The following PFAS variants were observed in gnomAD, a reference collection of about 807,000 sequenced individuals.
The protein encoded by PFAS is FGAM synthase.
Under a neutral mutation model 140.6 loss-of-function variants are expected in PFAS, and 97 were observed. That is an observed-to-expected ratio of 0.69 (90% CI 0.59 to 0.82). PFAS has a LOEUF of 0.82. Among genes scored for constraint, PFAS ranks in the 40% least tolerant of loss-of-function variants. The pLI is 0.00. For synonymous variants in PFAS, 679 were observed against 718.8 expected, an observed-to-expected ratio of 0.94 and a Z score of 0.88; for missense variants, 1,656 against 1,780.2, an observed-to-expected ratio of 0.93 and a Z score of 1.26.
rs368979658 is a variant in PFAS at position 8,256,949 on chromosome 17, A to G, written c.1061A>G (p.Asn354Ser). 3 of 1,614,038 alleles carry G rather than the reference A, an allele frequency of 1.9e-6. No individual in the cohort carries two copies. The highest frequency in any genetic ancestry group is 1.6e-4 in the Middle Eastern group (1 of 6,084). Reference protein sequence around the residue: ...VAGTAGYCFGNLHIPGYNLPW... With the variant: ...VAGTAGYCFGSLHIPGYNLPW... Reference sequence around the variant, plus strand: ...GGCACTGCCGGCTATTGCTTTGGAAATCTGCATATTCCAGGTTCCATCTCC... The same window carrying G: ...GGCACTGCCGGCTATTGCTTTGGAAGTCTGCATATTCCAGGTTCCATCTCC... Residue 354 changes from asparagine (N) to serine (S), a missense_variant, in exon 9 of 28, where the codon AAT becomes AGT. Coordinates refer to ENST00000314666, the MANE Select transcript of PFAS (RefSeq NM_012393.3).
chr17:8,265,541 C>T lies in PFAS; in HGVS notation c.2462-15C>T. On this transcript the variant is annotated splice_polypyrimidine_tract_variant and intron_variant, in intron 19 of 27. Transcript: ENST00000314666. The stretch of plus-strand genomic sequence containing the variant: ...GTTGGCAACTCATTCCTTTGGACTC[C>T]TCCTTGCTCTACAGGGTCACTGGTC... 2 of 1,613,852 alleles carry T rather than the reference C, an allele frequency of 1.2e-6. No individual in the cohort carries two copies. The highest frequency in any genetic ancestry group is 1.7e-6 in the Non-Finnish European group (2 of 1,179,722).
chr17:8,263,788 C>T lies in PFAS; in HGVS notation c.1643C>T (p.Thr548Ile), dbSNP rs144399783. Residue 548 changes from threonine (T) to isoleucine (I), a missense_variant, in exon 15 of 28, where the codon ACC becomes ATC. By Grantham distance (89) the Thr-to-Ile change is moderately conservative. Around this residue, in one of 2 missense-constraint regions of PFAS, gnomAD observed 773 missense variants for 757.3 expected, o/e 1.02. Transcript: ENST00000314666. Reference sequence around the variant, plus strand: ...GTGGCTGTGCAGCTTGGGGACCCAACCCTGAATGCCCTGGAAATCTGGGGG... The same window carrying T: ...GTGGCTGTGCAGCTTGGGGACCCAATCCTGAATGCCCTGGAAATCTGGGGG... ...YTSRFQLGDP[T>I]LNALEIWGAE... 255 of 1,613,940 alleles carry T rather than the reference C, an allele frequency of 1.6e-4. No individual in the cohort carries two copies. The highest frequency in any genetic ancestry group is 5.3e-4 in the Admixed American group (32 of 60,008).
Position 8,267,663 on chromosome 17 carries a change from A to G in PFAS, c.3380A>G (p.Lys1127Arg). 2 of 1,558,618 alleles carry G rather than the reference A, an allele frequency of 1.3e-6. No individual in the cohort carries two copies. The highest frequency in any genetic ancestry group is 1.7e-5 in the Admixed American group (1 of 59,730). The change falls in exon 26 of 28, where the codon AAA (lysine) becomes AGA (arginine). Residue 1127 changes from lysine (K) to arginine (R), a missense_variant and splice_region_variant. Lys to Arg is a conservative substitution (Grantham distance 26). Around this residue, in one of 2 missense-constraint regions of PFAS, gnomAD observed 883 missense variants for 1,023.0 expected, o/e 0.86. Transcript: ENST00000314666. This position sits in a 1 kb window ranked among gnomAD's most constrained non-coding sequence, Gnocchi z 4.9. ...FSYADVLGSA[K>R]GWAAAVTFHP... ...TATGCAGATGTCCTGGGCTCTGCCA[A>G]AGGTCAGTGTGCAGGCTTCTGCCCA...
Position 8,263,094 on chromosome 17 carries a change from C to A in PFAS, c.1411-15C>A. The A allele has an allele frequency of 6.2e-7, 1 of 1,613,670 alleles. No individual in the cohort carries two copies. The highest frequency in any genetic ancestry group is 8.5e-7 in the Non-Finnish European group (1 of 1,179,588). On this transcript the variant is annotated splice_polypyrimidine_tract_variant and intron_variant, in intron 12 of 27. Coordinates refer to ENST00000314666, the MANE Select transcript of PFAS (RefSeq NM_012393.3). Reference sequence around the variant, plus strand: ...CCAGTCTCGCTGAGCTGAGCTATGCCATATATGCCCCCAGGTGCAGGGAGA... The same window carrying A: ...CCAGTCTCGCTGAGCTGAGCTATGCAATATATGCCCCCAGGTGCAGGGAGA...
intron 4 of PFAS, 80 bp downstream of exon 4, chr17:8,255,212 C>A: frequency 9.2e-7 from 1 of 1,091,062 alleles, no homozygotes; most frequent in Non-Finnish European, 1.4e-6. Flanking sequence ...GAAGCAGGGA[C>A]AGGTGCTCCT....
At chr17:8,268,444 A>C in intron 26 of PFAS, 89 bp from the exon 27 acceptor site, 1 of 854,092 alleles carries the variant, frequency 1.2e-6, no homozygotes, top group Admixed American at 2.6e-5. Context: ...AGAAAAAAGA[A>C]AAGAAACAGA....
At position 8,266,797 on chromosome 17, in the gene PFAS, G is replaced by A. The variant is rs141350115; in HGVS notation, c.2866G>A (p.Val956Met). The change falls in exon 23 of 28, where the codon GTG (valine) becomes ATG (methionine). Residue 956 changes from valine (V) to methionine (M), a missense_variant. Physicochemically the swap from Val to Met is conservative, Grantham distance 21 (BLOSUM62 1). Around this residue, in one of 2 missense-constraint regions of PFAS, gnomAD observed 883 missense variants for 1,023.0 expected, o/e 0.86. Coordinates refer to ENST00000314666, the MANE Select transcript of PFAS (RefSeq NM_012393.3). The surrounding 1 kb of genome is among the most constrained non-coding windows in gnomAD (Gnocchi z 5.0). The stretch of plus-strand genomic sequence containing the variant: ...TGAGGAGCCAGGCCTCGTGCTGGAG[G>A]TGCAGGAGCCAGACCTGGCCCAGGT... ...FAEEPGLVLE[V>M]QEPDLAQVLK... 6.2e-7 allele frequency: 1 copy of A among 1,612,488 alleles called. No homozygotes were observed. Among genetic ancestry groups the A allele is most frequent in the Non-Finnish European group, 8.5e-7 (1 of 1,179,786 alleles).
chr17:8,263,567 C>T lies in PFAS; in HGVS notation c.1568-8C>T. 2 of 1,613,428 alleles carry T rather than the reference C, an allele frequency of 1.2e-6. No individual in the cohort carries two copies. The highest frequency in any genetic ancestry group is 1.7e-6 in the Non-Finnish European group (2 of 1,179,356). On this transcript the variant is annotated splice_region_variant and splice_polypyrimidine_tract_variant and intron_variant, in intron 13 of 27. Coordinates refer to ENST00000314666, the MANE Select transcript of PFAS (RefSeq NM_012393.3). Reference sequence around the variant, plus strand: ...GGTCACTGCTTCTCCTTGCAACCCTCTCACCAGGCAATGTCCTAAAAGAGC... The same window carrying T: ...GGTCACTGCTTCTCCTTGCAACCCTTTCACCAGGCAATGTCCTAAAAGAGC...
Position 8,266,594 on chromosome 17 carries a change from C to T in PFAS, c.2822-159C>T. The T allele has an allele frequency of 6.8e-7, 1 of 1,470,500 alleles. No individual in the cohort carries two copies. 91.1% of individuals were successfully genotyped at this position (1,470,500 alleles called of 1,614,324 possible). On this transcript the variant is annotated intron_variant, in intron 22 of 27. Coordinates refer to ENST00000314666, the MANE Select transcript of PFAS (RefSeq NM_012393.3). The surrounding 1 kb of genome is among the most constrained non-coding windows in gnomAD (Gnocchi z 5.0). ...TGAGATGTCCATGATGAAACATCCT[C>T]AGTCCTGCCGTCCTAGCCCTCATCC...
In PFAS at chr17:8,263,860, G is replaced by T. The variant is rs200779134; in HGVS notation, c.1715G>T (p.Arg572Leu). Reference sequence around the variant, plus strand: ...GCTCTTCTGCTGAGGTCCCCCAACCGGGACTTCCTGACTCATGTCAGTGCC... The same window carrying T: ...GCTCTTCTGCTGAGGTCCCCCAACCTGGACTTCCTGACTCATGTCAGTGCC... Reference protein sequence around the residue: ...SNALLLRSPNRDFLTHVSARE... With the variant: ...SNALLLRSPNLDFLTHVSARE... The change falls in exon 15 of 28, where the codon CGG (arginine) becomes CTG (leucine). Residue 572 changes from arginine to leucine, a missense_variant. Physicochemically the swap from Arg to Leu is moderately radical, Grantham distance 102. Around this residue, in one of 2 missense-constraint regions of PFAS, gnomAD observed 773 missense variants for 757.3 expected, o/e 1.02. Coordinates refer to ENST00000314666, the MANE Select transcript of PFAS (RefSeq NM_012393.3). 3.1e-6 allele frequency: 5 copies of T among 1,614,086 alleles called. No homozygotes were observed. In the Admixed American group the frequency reaches 8.3e-5, roughly 27 times the overall value.
rs199846786 is a variant in PFAS at position 8,267,559 on chromosome 17, C to T, written c.3276C>T (p.Asp1092=). 5.6e-6 allele frequency: 9 copies of T among 1,608,864 alleles called. No individual in the cohort carries two copies. Among genetic ancestry groups the T allele is most frequent in the Admixed American group, 5.0e-5 (3 of 59,954 alleles). Residue 1092 remains aspartate (D), a synonymous_variant, in exon 26 of 28, where the codon GAC becomes GAT. Coordinates refer to ENST00000314666, the MANE Select transcript of PFAS (RefSeq NM_012393.3). This position sits in a 1 kb window ranked among gnomAD's most constrained non-coding sequence, Gnocchi z 4.9. ...AFHLAGFEVW[D]VTMQDLCSGA... The stretch of plus-strand genomic sequence containing the variant: ...CCTCCCCACCTTCGCAGGTATGGGA[C>T]GTGACCATGCAGGACCTCTGCTCTG...
chr17:8,266,733 T>G lies in PFAS; in HGVS notation c.2822-20T>G. The G allele has an allele frequency of 6.3e-7, 1 of 1,582,592 alleles. No homozygotes were observed. The highest frequency in any genetic ancestry group is 1.3e-5 in the African/African-American group (1 of 74,152). On this transcript the variant is annotated intron_variant, in intron 22 of 27. Coordinates refer to ENST00000314666, the MANE Select transcript of PFAS (RefSeq NM_012393.3). This position sits in a 1 kb window ranked among gnomAD's most constrained non-coding sequence, Gnocchi z 5.0. ...TTGGCCCTTCTTGCATCCCCCTGAC[T>G]CCCCACATTGCTCTCCCAGTCCTGT...
At chr17:8,257,483 G>T (rs1411949876) in intron 9 of PFAS, among the ~76,000 whole-genome samples, 2 of 152,176 alleles carry the variant, frequency 1.3e-5, no homozygotes, top group Non-Finnish European at 2.9e-5. Context: ...GTGAACCCGG[G>T]AGGCGGAGCT....
At chr17:8,253,695 A>G in intron 1 of PFAS, 164 bp from the exon 2 acceptor site, 2 of 329,220 alleles carry the variant, frequency 6.1e-6, no homozygotes, top group South Asian at 1.1e-4. Flanking sequence ...GCCCGCCACC[A>G]CACCCAGCTA....
At chr17:8,248,012 G>A (rs1034774367), upstream of PFAS, 13 of 1,609,918 alleles carry the variant, frequency 8.1e-6, 1 homozygote, top group South Asian at 4.4e-5. Flanking sequence ...ACGGAGGAAG[G>A]GACCTGGGCC....
At position 8,254,239 on chromosome 17, in the gene PFAS, T is replaced by C. The variant is rs1266835842; in HGVS notation, c.216T>C (p.Asp72=). ...TTGGTTGCCCCTTACTGCTGGATGA[T>C]GTTGCTCGGGAGTCCTGGCTCCTTC... is the stretch of plus-strand genomic sequence containing the variant. ...WLFGCPLLLD[D]VARESWLLPG... Residue 72 remains aspartate, a synonymous_variant, in exon 3 of 28, where the codon GAT becomes GAC. Transcript: ENST00000314666. 6.2e-7 allele frequency: 1 copy of C among 1,614,058 alleles called. No homozygotes were observed. Among genetic ancestry groups the C allele is most frequent in the African/African-American group, 1.3e-5 (1 of 74,924 alleles).
At position 8,266,457 on chromosome 17, in the gene PFAS, C is replaced by G. The variant is rs1597429695; in HGVS notation, c.2821+104C>G. 6.5e-7 allele frequency: 1 copy of G among 1,542,866 alleles called. No homozygotes were observed. Among genetic ancestry groups the G allele is most frequent in the Non-Finnish European group, 8.7e-7 (1 of 1,144,712 alleles). On this transcript the variant is annotated intron_variant, in intron 22 of 27. Coordinates refer to ENST00000314666, the MANE Select transcript of PFAS (RefSeq NM_012393.3). This position sits in a 1 kb window ranked among gnomAD's most constrained non-coding sequence, Gnocchi z 5.0. ...TGGAGTGCCCTCCAGTCCCCTTTCC[C>G]TGAGTCTTCCCTGACTAGCTTTTCT...
rs762303333 is a variant in PFAS, at chr17:8,264,895, G to A, written c.2050G>A (p.Val684Met). Residue 684 changes from valine to methionine, a missense_variant and splice_region_variant, in exon 18 of 28, where the codon GTG becomes ATG. By Grantham distance (21) the Val-to-Met change is conservative. Coordinates refer to ENST00000314666, the MANE Select transcript of PFAS (RefSeq NM_012393.3). ...VASKRYLTNK[V>M]DRSVGGLVAQ... ...TTGCTAACCCCACCTGGTTCCACAGGTGGACCGCTCTGTGGGAGGCCTGGT... is the reference window on the plus strand; with the variant it reads ...TTGCTAACCCCACCTGGTTCCACAGATGGACCGCTCTGTGGGAGGCCTGGT... 8.3e-6 allele frequency: 13 copies of A among 1,567,674 alleles called. No homozygotes were observed. In the Admixed American group the frequency reaches 2.4e-4, roughly 29 times the overall value.
Position 8,267,452 on chromosome 17 carries a change from G to T in PFAS, c.3256G>T (p.Ala1086Ser). ...DREMADAFHL[A>S]GFEVWDVTMQ... ...GGAGATGGCCGATGCCTTCCACTTA[G>T]CTGGGTTTGAGGTGAGCAGGGTAGG... Residue 1086 changes from alanine (A) to serine (S), a missense_variant, in exon 25 of 28, where the codon GCT (alanine) becomes TCT (serine). This residue lies in a region of PFAS where 883 missense variants were observed against 1,023.0 expected (regional missense o/e 0.86). Coordinates refer to ENST00000314666, the MANE Select transcript of PFAS (RefSeq NM_012393.3). This position sits in a 1 kb window ranked among gnomAD's most constrained non-coding sequence, Gnocchi z 4.9. The T allele has an allele frequency of 6.2e-7, 1 of 1,614,146 alleles. No homozygotes were observed. The highest frequency in any genetic ancestry group is 8.5e-7 in the Non-Finnish European group (1 of 1,179,972).
Sources: allele counts gnomAD v4.1 joint callset (sites outside exome capture counted in the v4.1 genomes callset), GRCh38; gene constraint gnomAD v4.1.1; regional missense constraint gnomAD v4.1.1; non-coding constraint Gnocchi (gnomAD v3.1); transcripts MANE v1.5; gene names NCBI Gene and HGNC (gene_info 2026-07-23, HGNC 2026-07-21).